The following DMD variants were observed in gnomAD, a reference collection of about 807,000 sequenced individuals.
DMD encodes mutant dystrophin.
A neutral mutation model predicts 330.1 loss-of-function variants in DMD; 63 were observed. That is an observed-to-expected ratio of 0.19 (90% confidence interval 0.16 to 0.24). DMD has a LOEUF of 0.24. Ranked by LOEUF, DMD falls within the 10% of genes least tolerant of loss-of-function variation. The pLI is 1.00. For synonymous variants in DMD, 1,223 were observed against 959.8 expected (o/e 1.27, Z -5.07); for missense variants, 3,344 against 2,684.1 (o/e 1.25, Z -5.43).
intron 53 of DMD, among the ~76,000 whole-genome samples, chrX:31,669,356 T>C (rs2081613046): frequency 8.9e-6 from 1 of 112,363 alleles, no homozygotes; most frequent in African/African-American, 3.2e-5. Context: ...ATTTCCCCAA[T>C]GATTAGTGAT....
intron 7 of DMD, among the ~76,000 whole-genome samples, chrX:32,807,122 TAAAAAAAAAA>T (rs999286386): frequency 1.4e-4 from 3 of 20,740 alleles, no homozygotes; most frequent in South Asian, 2.2e-3. Context: ...CGGAAACATT[TAAAAAAAAAA>T]AAAAAAAAAA....
intron 61 of DMD, among the ~76,000 whole-genome samples, chrX:31,334,222 C>T (rs927594644): frequency 8.9e-6 from 1 of 112,316 alleles, no homozygotes; most frequent in South Asian, 3.7e-4. Flanking sequence ...GCGTGAGCCA[C>T]CGCGCCCGGC....
At chrX:31,896,858 T>C (rs773433848) in intron 47 of DMD, among the ~76,000 whole-genome samples, 2 of 111,888 alleles carry the variant, frequency 1.8e-5, no homozygotes, top group Admixed American at 1.9e-4. Flanking sequence ...ATCTAAAATT[T>C]AAAAATAATT....
At chrX:31,465,379 C>T (rs1034237527) in intron 59 of DMD, among the ~76,000 whole-genome samples, 2 of 110,369 alleles carry the variant, frequency 1.8e-5, no homozygotes, top group Admixed American at 1.9e-4. Context: ...CGACAGGCCC[C>T]GGTGTGTGAT....
At chrX:31,561,382 G>C (rs1953370183) in intron 55 of DMD, among the ~76,000 whole-genome samples, 1 of 111,269 alleles carries the variant, frequency 9.0e-6, no homozygotes, top group Non-Finnish European at 1.9e-5. Flanking sequence ...AGAAAGAACA[G>C]GAAGGGAGGT....
chrX:32,261,136 G>T (rs1324105812), intron 43 of DMD, among the ~76,000 whole-genome samples: 1 of 111,945 alleles, frequency 8.9e-6, no homozygotes, highest in Non-Finnish European at 1.9e-5. Flanking sequence ...TTCCTTGCAG[G>T]TCAAACAAAG....
intron 2 of DMD, among the ~76,000 whole-genome samples, chrX:32,907,907 T>C (rs759357543): frequency 1.0e-3 from 114 of 111,714 alleles, no homozygotes; most frequent in Middle Eastern, 4.6e-3. Context: ...CATTCACTTA[T>C]CTTGGTCGTA....
intron 55 of DMD, among the ~76,000 whole-genome samples, chrX:31,596,061 C>G (rs987830776): frequency 2.5e-4 from 28 of 111,282 alleles, no homozygotes; most frequent in African/African-American, 9.1e-4. Flanking sequence ...CTGAAAAAAG[C>G]TCAAATCACA....
intron 2 of DMD, among the ~76,000 whole-genome samples, chrX:32,923,065 C>T: frequency 9.0e-6 from 1 of 111,527 alleles, no homozygotes; most frequent in Non-Finnish European, 1.9e-5. Context: ...AATTCTATGT[C>T]TCCTATTTAT....
intron 44 of DMD, among the ~76,000 whole-genome samples, chrX:32,036,389 G>A (rs2095946672): frequency 9.0e-6 from 1 of 110,965 alleles, no homozygotes; most frequent in South Asian, 3.8e-4. Context: ...GTAAAGATGG[G>A]GAAAATAAGA....
intron 52 of DMD, among the ~76,000 whole-genome samples, chrX:31,698,570 A>G (rs756243263): frequency 3.9e-4 from 44 of 112,249 alleles, no homozygotes; most frequent in Non-Finnish European, 7.3e-4. Flanking sequence ...TGTCCCTTCT[A>G]CTTCCACAAG....
rs778674509 is a variant in DMD at position 32,901,784 on chromosome X, T to C, written c.94-51964A>G. ...AATAAACAGAGTTTAGTATAGAGTG[T>C]CTGAACATGTGTAAAGCAAGGGGTC... On this transcript the variant is annotated intron_variant, in intron 2 of 78. Coordinates refer to ENST00000357033, the MANE Select transcript of DMD (RefSeq NM_004006.3). Among the ~76,000 whole-genome samples, 11 of 110,574 alleles carry C rather than the reference T, an allele frequency of 9.9e-5. No individual in the cohort carries two copies. In the East Asian group the frequency reaches 3.1e-3, roughly 31 times the overall value.
At chrX:32,515,744 T>C (rs1387542159) in intron 18 of DMD, among the ~76,000 whole-genome samples, 2 of 111,503 alleles carry the variant, frequency 1.8e-5, no homozygotes, top group Non-Finnish European at 3.8e-5. Flanking sequence ...TAGGAATCAC[T>C]CCTGGAAAAT....
chrX:31,907,957 T>A (rs184959676), intron 47 of DMD, among the ~76,000 whole-genome samples: 1 of 112,149 alleles, frequency 8.9e-6, no homozygotes, highest in Non-Finnish European at 1.9e-5. Context: ...AACAGACACA[T>A]GAAAAAATGC....
In DMD at chrX:33,241,267, G is replaced by T. The variant is rs1027109251; in HGVS notation, c.7+97992C>A. On this transcript the variant is annotated intron_variant, in intron 1 of 17. Transcript: ENST00000288447. ...CTGATATAAGGGTCTAATTTTTTCT[G>T]CATGTGGATATCTATTTTTTCCAGC... Among the ~76,000 whole-genome samples the T allele has an allele frequency of 2.7e-5, 3 of 111,918 alleles. No individual in the cohort carries two copies. The Admixed American group carries it at 2.8e-4, about 11-fold the overall frequency.
chrX:32,479,771 G>A (rs868742475), intron 21 of DMD, among the ~76,000 whole-genome samples: 1 of 107,728 alleles, frequency 9.3e-6, no homozygotes, highest in African/African-American at 3.5e-5. Context: ...CTACCACTAT[G>A]CATATATCAC....
intron 7 of DMD, among the ~76,000 whole-genome samples, chrX:32,731,779 G>C (rs961202495): frequency 8.9e-6 from 1 of 112,162 alleles, no homozygotes; most frequent in East Asian, 2.8e-4. Context: ...CATCATCAAA[G>C]TCCAAAAGTA....
At chrX:31,433,647 T>C (rs775350440) in intron 60 of DMD, among the ~76,000 whole-genome samples, 3 of 109,855 alleles carry the variant, frequency 2.7e-5, no homozygotes, top group African/African-American at 6.6e-5. Flanking sequence ...TTAGTAGAGA[T>C]AGGGTTTCAC....
intron 20 of DMD, among the ~76,000 whole-genome samples, chrX:32,488,923 T>C (rs997224): frequency 0.047 from 5,203 of 110,722 alleles, 126 homozygotes; most frequent in East Asian, 0.15. Flanking sequence ...CCTCTTGCCA[T>C]GTTCCTTCTG....
Sources: allele counts gnomAD v4.1 joint callset (sites outside exome capture counted in the v4.1 genomes callset), GRCh38; gene constraint gnomAD v4.1.1; transcripts MANE v1.5; gene names NCBI Gene and HGNC (gene_info 2026-07-23, HGNC 2026-07-21).